Variants in SYNPO2 observed in about 807,000 individuals in gnomAD.
SYNPO2 encodes the protein synaptopodin-2.
A neutral mutation model predicts 85.0 loss-of-function variants in SYNPO2; 56 were observed. The observed-to-expected ratio is 0.66, with a 90% CI of 0.53 to 0.82. The LOEUF (loss-of-function observed/expected upper bound fraction) is 0.82. SYNPO2 is among the 40% of genes least tolerant of loss of function. SYNPO2 has a pLI of 0.00. For synonymous variants in SYNPO2, 602 were observed against 591.1 expected, an observed-to-expected ratio of 1.02 and a Z score of -0.27; for missense variants, 1,575 against 1,534.2, an observed-to-expected ratio of 1.03 and a Z score of -0.44.
At chr4:119,000,205 T>C (rs377737848) in intron 1 of SYNPO2, among the ~76,000 whole-genome samples, 5 of 152,128 alleles carry the variant, frequency 3.3e-5, no homozygotes, top group African/African-American at 1.2e-4. Flanking sequence ...GGCGACTTAA[T>C]GAGGTAATAA....
At chr4:118,958,777 G>A (rs1352835728) in intron 1 of SYNPO2, among the ~76,000 whole-genome samples, 1 of 152,176 alleles carries the variant, frequency 6.6e-6, no homozygotes, top group Non-Finnish European at 1.5e-5. Context: ...ACTTGGTTAG[G>A]AGAAATGTTG....
chr4:119,057,354 C>A (rs781244917), intron 4 of SYNPO2, 47 bp from the exon 5 acceptor site: 16 of 1,516,244 alleles, frequency 1.1e-5, no homozygotes, highest in South Asian at 2.7e-5. Flanking sequence ...TAACAATCAG[C>A]ACAAACCAAA....
At chr4:119,020,383 A>T (rs1026128709) in intron 1 of SYNPO2, among the ~76,000 whole-genome samples, 2 of 152,188 alleles carry the variant, frequency 1.3e-5, no homozygotes, top group African/African-American at 4.8e-5. Flanking sequence ...TTTAGATACC[A>T]TTAAGAGCTC....
chr4:118,936,018 T>C (rs1578565204), intron 1 of SYNPO2, among the ~76,000 whole-genome samples: 1 of 152,208 alleles, frequency 6.6e-6, no homozygotes, highest in Admixed American at 6.5e-5. Context: ...GCACATGTGG[T>C]GTAACTATAA....
chr4:118,887,202 T>TGTGC (rs1222936783), upstream of SYNPO2, among the ~76,000 whole-genome samples: 1 of 149,536 alleles, frequency 6.7e-6, no homozygotes, highest in African/African-American at 2.5e-5. Context: ...TGTGTGTGTG[T>TGTGC]GCACCCTCTG....
rs544061361 is a variant in SYNPO2, at chr4:118,914,845, G to C, written c.105+25704G>C. Among the ~76,000 whole-genome samples the C allele has an allele frequency of 3.3e-5, 5 of 152,178 alleles. No homozygotes were observed. The East Asian group carries it at 7.7e-4, about 23-fold the overall frequency. ...AGAATATTGGTAGGAGAGGGAGAAA[G>C]ACTGAGTAAGACAGGGTAGTTACTC... On this transcript the variant is annotated intron_variant, in intron 1 of 4. Coordinates refer to ENST00000307142, the MANE Select transcript of SYNPO2 (RefSeq NM_133477.3).
At position 119,060,575 on chromosome 4, in the gene SYNPO2, T is replaced by G. The variant is rs563387814; in HGVS notation, c.*2641T>G. The G allele has an allele frequency of 6.6e-6, 1 of 152,210 alleles. No individual in the cohort carries two copies. The highest frequency in any genetic ancestry group is 2.1e-4 in the South Asian group (1 of 4,836). The allele number at this position is 152,210 out of a possible 1,614,324, so 9.4% of individuals were successfully genotyped here. A position where few individuals can be genotyped will look rare whatever the true frequency, so the allele number is the denominator to read the frequency against. On this transcript the variant is annotated 3_prime_UTR_variant, in exon 5 of 5. Transcript: ENST00000307142. ...TGGGTGAGAAGATGTAGATGACTAT[T>G]GTTCTCACTAAAGTTCTAAAATAAT... is the stretch of plus-strand genomic sequence containing the variant.
intron 4 of SYNPO2, among the ~76,000 whole-genome samples, chr4:119,052,997 A>T (rs1411533471): frequency 6.6e-6 from 1 of 152,230 alleles, no homozygotes; most frequent in African/African-American, 2.4e-5. Flanking sequence ...CTTGATGATG[A>T]TATAACCCAT....
chr4:118,874,133 T>G (rs1352784355), intron 1 of SYNPO2, among the ~76,000 whole-genome samples: 6 of 152,228 alleles, frequency 3.9e-5, no homozygotes, highest in Non-Finnish European at 7.3e-5. Flanking sequence ...GTAGTATAAT[T>G]TGAAGTCAGG....
chr4:118,928,288 T>A (rs1480696210), intron 1 of SYNPO2, among the ~76,000 whole-genome samples: 2 of 152,152 alleles, frequency 1.3e-5, no homozygotes, highest in Non-Finnish European at 2.9e-5. Flanking sequence ...TTGGTCAGAA[T>A]CAAAACTTAT....
In SYNPO2 at chr4:118,915,269, C is replaced by T. The variant is rs116521930; in HGVS notation, c.105+26128C>T. ...GATAATACCTGATGTCTGACATTAA[C>T]GACCTCAACCCCAATATTATCACCC... On this transcript the variant is annotated intron_variant, in intron 1 of 4. Transcript: ENST00000307142. Among the ~76,000 whole-genome samples, 760 of 152,180 alleles carry T rather than the reference C, an allele frequency of 5.0e-3. 10 individuals are homozygous for T. The highest frequency in any genetic ancestry group is 0.018 in the African/African-American group (728 of 41,542).
intron 1 of SYNPO2, among the ~76,000 whole-genome samples, chr4:118,991,925 T>C (rs1445193921): frequency 6.6e-6 from 1 of 152,030 alleles, no homozygotes; most frequent in African/African-American, 2.4e-5. Context: ...GGGGAGAGGA[T>C]AGTGCTTAAT....
chr4:118,900,028 C>T (rs1377710879), intron 1 of SYNPO2, among the ~76,000 whole-genome samples: 2 of 152,176 alleles, frequency 1.3e-5, no homozygotes, highest in African/African-American at 2.4e-5. Flanking sequence ...TCCCAAAGTG[C>T]TGGGATTACA....
At chr4:118,938,939 T>C (rs1454237086) in intron 1 of SYNPO2, among the ~76,000 whole-genome samples, 1 of 152,222 alleles carries the variant, frequency 6.6e-6, no homozygotes. Context: ...TTACTCTCTA[T>C]ATTCACTGTC....
At chr4:118,883,950 T>C (rs760611911), upstream of SYNPO2, among the ~76,000 whole-genome samples, 1 of 152,166 alleles carries the variant, frequency 6.6e-6, no homozygotes, top group Non-Finnish European at 1.5e-5. Context: ...ACTTTACTAC[T>C]CAGGGCTCTG....
intron 1 of SYNPO2, among the ~76,000 whole-genome samples, chr4:119,022,044 A>C (rs1737743328): frequency 6.6e-6 from 1 of 151,956 alleles, no homozygotes; most frequent in Non-Finnish European, 1.5e-5. Context: ...TTTTTTGCTA[A>C]AGTTTGCTTA....
chr4:118,863,891 G>A (rs1401068508), intron 1 of SYNPO2, among the ~76,000 whole-genome samples: 1 of 152,188 alleles, frequency 6.6e-6, no homozygotes, highest in African/African-American at 2.4e-5. Flanking sequence ...ACAGGCATGA[G>A]CCACTGTGCC....
intron 4 of SYNPO2, among the ~76,000 whole-genome samples, chr4:119,044,745 A>G (rs1027657875): frequency 1.3e-5 from 2 of 152,138 alleles, no homozygotes; most frequent in African/African-American, 4.8e-5. Flanking sequence ...AGGTTAAACA[A>G]TTTCCCCAGG....
intron 4 of SYNPO2, among the ~76,000 whole-genome samples, chr4:119,056,762 G>T (rs1380022484): frequency 3.3e-5 from 5 of 152,126 alleles, no homozygotes; most frequent in Admixed American, 6.5e-5. Context: ...AAAAATCCAT[G>T]TGATCGTCAC....
Sources: gnomAD v4.1 joint callset for allele counts (sites outside exome capture counted in the v4.1 genomes callset) on GRCh38, gnomAD v4.1.1 for gene constraint, MANE v1.5 for transcripts, NCBI Gene and HGNC (gene_info 2026-07-23, HGNC 2026-07-21) for gene names.